DPP6: variants seen among roughly 807,000 people sequenced by gnomAD.
DPP6 encodes A-type potassium channel modulatory protein DPP6.
In DPP6, 69 loss-of-function variants were observed where a neutral mutation model predicts 122.6. The ratio of observed to expected loss-of-function variants is 0.56; its 90% CI spans 0.46 to 0.69. The LOEUF (loss-of-function observed/expected upper bound fraction) is 0.69, where lower values mean the gene tolerates loss of function less well. Among genes scored for constraint, DPP6 ranks in the 30% least tolerant of loss-of-function variants. The pLI is 0.00. For synonymous variants in DPP6, 418 were observed against 433.1 expected (o/e 0.97, Z 0.43); for missense variants, 928 against 1,116.9 (o/e 0.83, Z 2.41).
intron 7 of DPP6, among the ~76,000 whole-genome samples, chr7:154,708,106 G>A (rs7788296): frequency 0.043 from 6,530 of 152,278 alleles, 464 homozygotes; most frequent in African/African-American, 0.15. Context: ...TGAATGTTGT[G>A]TTCCTGAAAT....
intron 1 of DPP6, among the ~76,000 whole-genome samples, chr7:154,291,856 A>G (rs1159395098): frequency 6.6e-6 from 1 of 152,208 alleles, no homozygotes; most frequent in Non-Finnish European, 1.5e-5. Context: ...TTCCTATTAA[A>G]CATAAACACT....
chr7:154,478,904 A>C (rs2151359679), intron 3 of DPP6, among the ~76,000 whole-genome samples: 1 of 152,314 alleles, frequency 6.6e-6, no homozygotes, highest in Admixed American at 6.5e-5. Context: ...CAAGAGATGA[A>C]GAAAAATGGT....
At chr7:154,220,320 A>G (rs147829816) in intron 1 of DPP6, among the ~76,000 whole-genome samples, 2 of 152,304 alleles carry the variant, frequency 1.3e-5, no homozygotes, top group East Asian at 1.9e-4. Flanking sequence ...GCTAATGAAC[A>G]TAGGAACATA....
At chr7:154,411,276 C>T (rs1360306657) in intron 1 of DPP6, among the ~76,000 whole-genome samples, 1 of 152,184 alleles carries the variant, frequency 6.6e-6, no homozygotes, top group Non-Finnish European at 1.5e-5. Context: ...AAGACAGGAT[C>T]TCACTCCCAT....
chr7:154,642,894 T>C (rs1445539229), intron 6 of DPP6, among the ~76,000 whole-genome samples: 1 of 152,118 alleles, frequency 6.6e-6, no homozygotes, highest in Non-Finnish European at 1.5e-5. Context: ...AGAGCGAGAC[T>C]CCATCTCAAA....
the DPP6 span, among the ~76,000 whole-genome samples, chr7:153,759,585 G>A: frequency 1.3e-5 from 2 of 151,826 alleles, no homozygotes; most frequent in Non-Finnish European, 2.9e-5. Context: ...TGCCTGCCTT[G>A]GCCTCCGAAG....
intron 2 of DPP6, among the ~76,000 whole-genome samples, chr7:154,471,121 G>A (rs149463235): frequency 1.5e-3 from 230 of 152,142 alleles, no homozygotes; most frequent in African/African-American, 5.3e-3. Flanking sequence ...CTCGGTGGCA[G>A]GTGCCTGTGA....
intron 8 of DPP6, among the ~76,000 whole-genome samples, chr7:154,732,953 T>G (rs1842408435): frequency 6.6e-6 from 1 of 152,186 alleles, no homozygotes; most frequent in Admixed American, 6.5e-5. Flanking sequence ...TACTCACTTC[T>G]GCTCCACCCT....
chr7:154,772,609 G>T (rs1796312379), intron 9 of DPP6, among the ~76,000 whole-genome samples: 1 of 152,158 alleles, frequency 6.6e-6, no homozygotes, highest in African/African-American at 2.4e-5. Context: ...GGGGAGTTGG[G>T]TGGAATGGGA....
chr7:154,451,144 C>T (rs573137184), intron 2 of DPP6, among the ~76,000 whole-genome samples: 2 of 152,022 alleles, frequency 1.3e-5, no homozygotes, highest in South Asian at 2.1e-4. Context: ...GGGCAGATCA[C>T]GAGGTCAGGA....
chr7:153,936,726 G>A (rs1801462954), intron 1 of DPP6, among the ~76,000 whole-genome samples: 1 of 152,070 alleles, frequency 6.6e-6, no homozygotes, highest in South Asian at 2.1e-4. Context: ...CAGGAAAATG[G>A]CGTGAACCTG....
At chr7:154,810,176 G>A (rs970481022) in intron 16 of DPP6, among the ~76,000 whole-genome samples, 2 of 152,042 alleles carry the variant, frequency 1.3e-5, no homozygotes, top group East Asian at 1.9e-4. Flanking sequence ...AAACACTTTC[G>A]CTGCTTCCCT....
chr7:153,849,152 T>C, the DPP6 span, among the ~76,000 whole-genome samples: 1 of 152,198 alleles, frequency 6.6e-6, no homozygotes, highest in African/African-American at 2.4e-5. Flanking sequence ...GGGGGACGTA[T>C]CCAAAATTGG....
intron 1 of DPP6, among the ~76,000 whole-genome samples, chr7:154,382,320 G>A (rs932784684): frequency 6.6e-6 from 1 of 152,102 alleles, no homozygotes; most frequent in Non-Finnish European, 1.5e-5. Flanking sequence ...AAGTAGCTGG[G>A]ACCACAAGCT....
At chr7:153,987,853 G>A (rs1487034710) in intron 1 of DPP6, among the ~76,000 whole-genome samples, 4 of 152,274 alleles carry the variant, frequency 2.6e-5, no homozygotes, top group South Asian at 2.1e-4. Context: ...AGGGGCCTTC[G>A]TCTGGGAAAC....
rs1554452155 is a variant in DPP6, at chr7:154,067,914, TTTTG to T, written c.243+14871_243+14874del. Among the ~76,000 whole-genome samples, 508 of 141,166 alleles carry T rather than the reference TTTTG, an allele frequency of 3.6e-3. 3 individuals carry two copies. Among genetic ancestry groups the T allele is most frequent in the Admixed American group, 5.9e-3 (87 of 14,822 alleles). The allele number at this position is 141,166 out of a possible 152,430, so 92.6% of individuals were successfully genotyped here. ...CACTCAAGGTTTTTTTTTGTTTTTT[TTTTG>T]TTTGTTTGTTTGTTTGTTTTTTTGA... On this transcript the variant is annotated intron_variant, in intron 1 of 25. Coordinates refer to ENST00000377770, the MANE Select transcript of DPP6 (RefSeq NM_130797.4).
chr7:154,340,989 A>G (rs947744409), intron 1 of DPP6, among the ~76,000 whole-genome samples: 2 of 152,192 alleles, frequency 1.3e-5, no homozygotes, highest in Non-Finnish European at 2.9e-5. Flanking sequence ...TTCAGCATAT[A>G]TAAATATATA....
At chr7:154,067,893 C>T (rs1210702371) in intron 1 of DPP6, among the ~76,000 whole-genome samples, 2 of 150,180 alleles carry the variant, frequency 1.3e-5, no homozygotes, top group Non-Finnish European at 2.9e-5. Flanking sequence ...CACACCCACT[C>T]AAGGTTTTTT....
intron 1 of DPP6, among the ~76,000 whole-genome samples, chr7:154,330,765 C>A (rs182632519): frequency 6.6e-6 from 1 of 152,190 alleles, no homozygotes; most frequent in Non-Finnish European, 1.5e-5. Flanking sequence ...AAGTCGCCTG[C>A]GGTGTTCTGC....
Sources: gnomAD v4.1 joint callset for allele counts (sites outside exome capture counted in the v4.1 genomes callset) on GRCh38, gnomAD v4.1.1 for gene constraint, MANE v1.5 for transcripts, NCBI Gene and HGNC (gene_info 2026-07-23, HGNC 2026-07-21) for gene names.